Variants in OLFML2B observed in about 807,000 individuals in gnomAD.
OLFML2B encodes the protein olfactomedin-like protein 2B.
A neutral mutation model predicts 74.9 loss-of-function variants in OLFML2B; 57 were observed. That is an observed-to-expected ratio of 0.76 (90% CI 0.61 to 0.95). The LOEUF is 0.95. OLFML2B is among the 40% of genes least tolerant of loss of function. The probability of loss-of-function intolerance (pLI) is 0.00; values close to 1 mark genes in which losing one functional copy is unlikely to be tolerated. For synonymous variants in OLFML2B, 388 were observed against 405.8 expected (o/e 0.96, Z 0.53); for missense variants, 986 against 970.6 (o/e 1.02, Z -0.21).
intron 3 of OLFML2B, among the ~76,000 whole-genome samples, chr1:162,015,423 A>T (rs1690502065): frequency 6.6e-6 from 1 of 152,158 alleles, no homozygotes; most frequent in South Asian, 2.1e-4. Context: ...CCTCCAGAGC[A>T]CTGTACTCTC....
chr1:162,012,547 CTT>C (rs1690420942), intron 3 of OLFML2B, among the ~76,000 whole-genome samples: 1 of 152,136 alleles, frequency 6.6e-6, no homozygotes, highest in Non-Finnish European at 1.5e-5. Flanking sequence ...GGAGAAAAGT[CTT>C]CAGCTGGGAC....
intron 4 of OLFML2B, among the ~76,000 whole-genome samples, chr1:162,005,508 A>G (rs1210979658): frequency 1.3e-5 from 2 of 152,142 alleles, no homozygotes; most frequent in Non-Finnish European, 2.9e-5. Flanking sequence ...ATATGTAGTA[A>G]ATTACAAAGT....
rs1689954066 is a variant in OLFML2B, at chr1:161,997,806, C to T, written c.1474+19G>A. On this transcript the variant is annotated intron_variant, in intron 6 of 7. Transcript: ENST00000294794. ...ACCTGAGCTGATCAGGAGACCAAGG[C>T]CAGGTACAATGAACTTACCTATGAC... The T allele has an allele frequency of 6.3e-7, 1 of 1,594,692 alleles. No homozygotes were observed. The highest frequency in any genetic ancestry group is 1.3e-5 in the African/African-American group (1 of 74,718).
At chr1:162,018,163 G>GA (rs1462170099) in intron 2 of OLFML2B, among the ~76,000 whole-genome samples, 1 of 152,044 alleles carries the variant, frequency 6.6e-6, no homozygotes, top group African/African-American at 2.4e-5. Flanking sequence ...GAGAGGAGCA[G>GA]AAAAAATAAC....
chr1:162,023,623 C>T lies in OLFML2B; in HGVS notation c.-193G>A. The T allele has an allele frequency of 2.2e-6, 1 of 454,124 alleles. No homozygotes were observed. The highest frequency in any genetic ancestry group is 3.8e-6 in the Non-Finnish European group (1 of 263,472). The allele number at this position is 454,124 out of a possible 1,614,324, so 28.1% of individuals were successfully genotyped here. ...GACTCTGGGCATCTCCTTCCCGACG[C>T]GAGCAGCCCTCGACTGTGCAGCCCC... is the stretch of plus-strand genomic sequence containing the variant. On this transcript the variant is annotated 5_prime_UTR_variant, in exon 1 of 8. Transcript: ENST00000294794.
Position 162,020,078 on chromosome 1 carries a change from A to G in OLFML2B, c.279T>C (p.Asn93=), listed in dbSNP as rs766984108. 1 of 1,614,072 alleles carries G rather than the reference A, an allele frequency of 6.2e-7. No homozygotes were observed. The highest frequency in any genetic ancestry group is 1.3e-5 in the African/African-American group (1 of 74,918). The change falls in exon 2 of 8, where the codon AAT becomes AAC. Residue 93 remains asparagine (N), a synonymous_variant. Transcript: ENST00000294794. The part of the protein sequence containing the change: ...PLGRDACQRI[N]AGASRKEDFY... Reference sequence around the variant, plus strand: ...AGTCTTCCTTCCTGGAGGCCCCCGCATTGATCCTCTGGCAGGCATCCCGGC... The same window carrying G: ...AGTCTTCCTTCCTGGAGGCCCCCGCGTTGATCCTCTGGCAGGCATCCCGGC...
At chr1:161,998,381 C>A (rs759320872) in intron 5 of OLFML2B, 32 bp from the exon 6 acceptor site, 1 of 1,527,272 alleles carries the variant, frequency 6.5e-7, no homozygotes, top group Non-Finnish European at 8.8e-7. Context: ...CACTGTGGCA[C>A]GGGAAAGAAA....
intron 4 of OLFML2B, among the ~76,000 whole-genome samples, chr1:162,005,943 C>CAGG: frequency 6.8e-6 from 1 of 147,050 alleles, no homozygotes; most frequent in Non-Finnish European, 1.5e-5. Context: ...GCCAGGACAG[C>CAGG]AGGAGTAAAC....
At chr1:161,988,680 T>C (rs1331077140) in intron 6 of OLFML2B, among the ~76,000 whole-genome samples, 1 of 151,900 alleles carries the variant, frequency 6.6e-6, no homozygotes, top group Non-Finnish European at 1.5e-5. Context: ...CTTCCTCTTC[T>C]GCCTGCTTTC....
intron 6 of OLFML2B, among the ~76,000 whole-genome samples, chr1:161,995,943 C>T (rs1458031644): frequency 6.6e-6 from 1 of 152,142 alleles, no homozygotes; most frequent in Non-Finnish European, 1.5e-5. Flanking sequence ...AGCACAAAGG[C>T]CAGGCTGCCC....
chr1:161,991,301 G>T (rs1689735445), intron 6 of OLFML2B, among the ~76,000 whole-genome samples: 1 of 152,196 alleles, frequency 6.6e-6, no homozygotes, highest in African/African-American at 2.4e-5. Flanking sequence ...AATAAGACTT[G>T]AAAGTCAAAA....
At chr1:161,997,676 A>C (rs1689950794) in intron 6 of OLFML2B, 149 bp downstream of exon 6, 1 of 837,558 alleles carries the variant, frequency 1.2e-6, no homozygotes, top group Non-Finnish European at 1.9e-6. Flanking sequence ...AGATGTTAAA[A>C]CTAATCGTTG....
intron 6 of OLFML2B, among the ~76,000 whole-genome samples, chr1:161,991,955 C>A (rs967159073): frequency 6.6e-6 from 1 of 152,182 alleles, no homozygotes; most frequent in African/African-American, 2.4e-5. Flanking sequence ...TAGCCCCTAA[C>A]AGAAGAGTCA....
intron 6 of OLFML2B, among the ~76,000 whole-genome samples, chr1:161,986,666 G>C (rs910803710): frequency 8.5e-5 from 13 of 152,228 alleles, no homozygotes; most frequent in Non-Finnish European, 1.6e-4. Flanking sequence ...TGGCAGCAGA[G>C]ATTTGATGGA....
rs771577988 is a variant in OLFML2B at position 162,006,400 on chromosome 1, T to C, written c.620A>G (p.Asn207Ser). The change falls in exon 4 of 8, where the codon AAT (asparagine) becomes AGT (serine). Residue 207 changes from asparagine (N) to serine (S), a missense_variant. Asn to Ser is a conservative substitution (Grantham distance 46). Transcript: ENST00000294794. ...EDMEEIRTEM[N>S]KRGKENCSEN... ...AGAGCAATTTTCTTTGCCTCGCTTA[T>C]TCATCTCGGTTCGAATTTCTTCCAT... The C allele has an allele frequency of 7.4e-6, 12 of 1,612,708 alleles. No individual in the cohort carries two copies. The highest frequency in any genetic ancestry group is 1.0e-5 in the Non-Finnish European group (12 of 1,179,684).
At chr1:162,017,861 A>T (rs1690588910) in intron 2 of OLFML2B, among the ~76,000 whole-genome samples, 1 of 152,226 alleles carries the variant, frequency 6.6e-6, no homozygotes, top group Admixed American at 6.5e-5. Flanking sequence ...GTGTCTCAAT[A>T]GCAAAGACAT....
At chr1:162,003,535 C>T (rs918494334) in intron 4 of OLFML2B, among the ~76,000 whole-genome samples, 2 of 152,192 alleles carry the variant, frequency 1.3e-5, no homozygotes, top group African/African-American at 4.8e-5. Context: ...ACAGGCTGCA[C>T]TGGGCGGCAG....
At chr1:162,007,347 C>A (rs1376999884) in intron 3 of OLFML2B, among the ~76,000 whole-genome samples, 1 of 152,156 alleles carries the variant, frequency 6.6e-6, no homozygotes, top group Non-Finnish European at 1.5e-5. Flanking sequence ...AAAGTGGAGG[C>A]GTCCCAGGTA....
chr1:162,023,510 G>T lies in OLFML2B; in HGVS notation c.-80C>A. The stretch of plus-strand genomic sequence containing the variant: ...GTCTCGGCAAGGACTTCTGCGAGAG[G>T]GTGTCCTCGCTAGAGCCCGAAAGTG... On this transcript the variant is annotated 5_prime_UTR_variant, in exon 1 of 8. Transcript: ENST00000294794. 1 of 1,352,760 alleles carries T rather than the reference G, an allele frequency of 7.4e-7. No homozygotes were observed. 83.8% of individuals were successfully genotyped at this position (1,352,760 alleles called of 1,614,324 possible).
Sources: allele counts gnomAD v4.1 joint callset (sites outside exome capture counted in the v4.1 genomes callset), GRCh38; gene constraint gnomAD v4.1.1; transcripts MANE v1.5; gene names NCBI Gene and HGNC (gene_info 2026-07-23, HGNC 2026-07-21).